Variants in SH3TC1 observed in about 807,000 individuals in gnomAD.
SH3TC1 encodes the protein SH3 domain and tetratricopeptide repeat-containing protein 1.
In SH3TC1, 135 loss-of-function variants were observed where a neutral mutation model predicts 117.3. That is an observed-to-expected ratio of 1.15 (90% CI 1.00 to 1.33). SH3TC1 has a LOEUF of 1.33. Among genes scored for constraint, SH3TC1 ranks in the 40% most tolerant of loss-of-function variants. The pLI, the probability that SH3TC1 is intolerant of heterozygous loss-of-function variation, is 0.00. For missense variants in SH3TC1, 2,092 were observed against 1,794.3 expected, an observed-to-expected ratio of 1.17 and a Z score of -3.00; for synonymous variants, 898 against 816.9, an observed-to-expected ratio of 1.10 and a Z score of -1.69.
At position 8,227,455 on chromosome 4, in the gene SH3TC1, G is replaced by A; in HGVS notation, c.1761G>A (p.Leu587=). The part of the protein sequence containing the change: ...SQARVYFEEA[L]GALEGSFGDL... ...CCCGGGTGTACTTTGAGGAAGCGCT[G>A]GGGGCCCTGGAGGGCAGCTTCGGGG... Residue 587 remains leucine (L), a synonymous_variant, in exon 12 of 18, where the codon CTG becomes CTA. Transcript: ENST00000245105. 1.3e-6 allele frequency: 2 copies of A among 1,563,502 alleles called. No homozygotes were observed. The highest frequency in any genetic ancestry group is 2.2e-5 in the East Asian group (1 of 44,574).
At chr4:8,238,597 C>T (rs1182444077) in intron 17 of SH3TC1, among the ~76,000 whole-genome samples, 2 of 152,176 alleles carry the variant, frequency 1.3e-5, no homozygotes, top group Admixed American at 6.5e-5. Flanking sequence ...AGGCCTGGGG[C>T]TGCCAGGGAG....
At position 8,222,892 on chromosome 4, in the gene SH3TC1, G is replaced by C; in HGVS notation, c.1165G>C (p.Gly389Arg). 1 of 1,613,766 alleles carries C rather than the reference G, an allele frequency of 6.2e-7. No homozygotes were observed. Among genetic ancestry groups the C allele is most frequent in the African/African-American group, 1.3e-5 (1 of 75,056 alleles). ...GGAAGAAAAGTCATTCTTCAGCGAGGGCTGCTTTTCTGAGGAGGATGCCAG... is the reference window on the plus strand; with the variant it reads ...GGAAGAAAAGTCATTCTTCAGCGAGCGCTGCTTTTCTGAGGAGGATGCCAG... ...NEEEKSFFSE[G>R]CFSEEDARQL... The change falls in exon 10 of 18, where the codon GGC becomes CGC. Residue 389 changes from glycine to arginine, a missense_variant. Transcript: ENST00000245105.
At chr4:8,231,936 T>C in intron 12 of SH3TC1, 40 bp from the exon 13 acceptor site, 1 of 1,602,296 alleles carries the variant, frequency 6.2e-7, no homozygotes, top group Non-Finnish European at 8.5e-7. Context: ...CTCGCTTCAA[T>C]GCTGGGAGGC....
At chr4:8,224,077 G>C (rs1720222680) in intron 10 of SH3TC1, among the ~76,000 whole-genome samples, 1 of 151,962 alleles carries the variant, frequency 6.6e-6, no homozygotes, top group Admixed American at 6.5e-5. Context: ...GCAGACATGT[G>C]TGCACATGTG....
Position 8,205,585 on chromosome 4 carries a change from G to A in SH3TC1, c.172+219G>A, listed in dbSNP as rs756939184. ...CTTGAGAGGCCAGGGCCCAGCTCGT[G>A]TTTTTCCAGGGACGCGTCAGTGATA... On this transcript the variant is annotated intron_variant, in intron 2 of 17. Transcript: ENST00000245105. The surrounding 1 kb of genome is among the most constrained non-coding windows in gnomAD (Gnocchi z 5.4). The A allele has an allele frequency of 1.0e-4, 79 of 790,038 alleles. 1 individual carries two copies. The Admixed American group carries it at 1.3e-3, about 13-fold the overall frequency. The allele number at this position is 790,038 out of a possible 1,614,324, so 48.9% of individuals were successfully genotyped here.
chr4:8,226,908 G>C, intron 11 of SH3TC1, 72 bp from the exon 12 acceptor site: 4 of 1,184,060 alleles, frequency 3.4e-6, no homozygotes, highest in Non-Finnish European at 4.6e-6. Context: ...GGGGATGAGG[G>C]GACCCTGCCC....
Position 8,205,164 on chromosome 4 carries a change from C to G in SH3TC1, c.-28-3C>G. On this transcript the variant is annotated splice_region_variant and splice_polypyrimidine_tract_variant and intron_variant, in intron 1 of 17. Coordinates refer to ENST00000245105, the MANE Select transcript of SH3TC1 (RefSeq NM_018986.5). The surrounding 1 kb of genome is among the most constrained non-coding windows in gnomAD (Gnocchi z 5.4). Reference sequence around the variant, plus strand: ...CTCCTGACCACACCCCCTCTGTCCACAGGGCCAGGCATGTGAGGTCTCTGC... The same window carrying G: ...CTCCTGACCACACCCCCTCTGTCCAGAGGGCCAGGCATGTGAGGTCTCTGC... The G allele has an allele frequency of 6.8e-7, 1 of 1,474,476 alleles. No individual in the cohort carries two copies. The highest frequency in any genetic ancestry group is 9.0e-7 in the Non-Finnish European group (1 of 1,112,238). The allele number at this position is 1,474,476 out of a possible 1,614,324, so 91.3% of individuals were successfully genotyped here.
rs745952465 is a variant in SH3TC1, at chr4:8,225,179, A to T, written c.1248A>T (p.Ser416=). 3 of 1,613,810 alleles carry T rather than the reference A, an allele frequency of 1.9e-6. No homozygotes were observed. Among genetic ancestry groups the T allele is most frequent in the East Asian group, 4.5e-5 (2 of 44,874 alleles). ...TTCTCTTTTCTCCCTTGCCAGACTCAGTAGAGGAAGCTGAGACCGAGCAGC... is the reference window on the plus strand; with the variant it reads ...TTCTCTTTTCTCCCTTGCCAGACTCTGTAGAGGAAGCTGAGACCGAGCAGC... ...TDVCSVYSLD[S]VEEAETEQPQ... The change falls in exon 11 of 18, where the codon TCA becomes TCT. Residue 416 remains serine, a synonymous_variant. Transcript: ENST00000245105. This position sits in a 1 kb window ranked among gnomAD's most constrained non-coding sequence, Gnocchi z 5.5.
At chr4:8,237,831 C>A (rs1001320459) in intron 17 of SH3TC1, among the ~76,000 whole-genome samples, 161 bp downstream of exon 17, 1 of 152,154 alleles carries the variant, frequency 6.6e-6, no homozygotes, top group Non-Finnish European at 1.5e-5. Flanking sequence ...TTAGCAGACA[C>A]AACCCAGCTC....
chr4:8,227,178 A>G lies in SH3TC1; in HGVS notation c.1484A>G (p.Asp495Gly), dbSNP rs1720538195. The change falls in exon 12 of 18, where the codon GAC becomes GGC. Residue 495 changes from aspartate (D) to glycine (G), a missense_variant. Asp to Gly is a moderately conservative substitution (Grantham distance 94, BLOSUM62 -1). Transcript: ENST00000245105. ...FCLEAEDDWE[D>G]PEALSSLLLF... ...TTGGAAGCCGAGGACGACTGGGAGG[A>G]CCCAGAGGCCCTGAGCTCACTGCTG... The G allele has an allele frequency of 6.3e-7, 1 of 1,596,612 alleles. No individual in the cohort carries two copies. The highest frequency in any genetic ancestry group is 1.7e-5 in the Admixed American group (1 of 57,580).
At chr4:8,199,675 C>T (rs1441803266) in intron 1 of SH3TC1, among the ~76,000 whole-genome samples, 3 of 152,162 alleles carry the variant, frequency 2.0e-5, no homozygotes, top group African/African-American at 7.2e-5. Flanking sequence ...GCTTCTGGGA[C>T]CTGGCCTGAC....
chr4:8,223,188 A>C (rs1720115182), intron 10 of SH3TC1, among the ~76,000 whole-genome samples: 1 of 152,230 alleles, frequency 6.6e-6, no homozygotes, highest in Non-Finnish European at 1.5e-5. Context: ...GTGGCCCCTG[A>C]GACTCCTGTG....
intron 1 of SH3TC1, among the ~76,000 whole-genome samples, chr4:8,187,306 T>G (rs536178386): frequency 6.7e-6 from 1 of 149,748 alleles, no homozygotes; most frequent in African/African-American, 2.6e-5. Flanking sequence ...TTGATGCTGT[T>G]GACCCTGGTC....
rs966354720 is a variant in SH3TC1, at chr4:8,237,651, T to C, written c.3734T>C (p.Ile1245Thr). Residue 1245 changes from isoleucine to threonine, a missense_variant, in exon 17 of 18, where the codon ATC (isoleucine) becomes ACC (threonine). Physicochemically the swap from Ile to Thr is moderately conservative, Grantham distance 89 (BLOSUM62 -1). Coordinates refer to ENST00000245105, the MANE Select transcript of SH3TC1 (RefSeq NM_018986.5). ...AAGGTGTACCTGGTGCTCGGTGACA[T>C]CATCTTCTACGACCTGAAGGTGGGT... ...YVKVYLVLGD[I>T]IFYDLKDPFD... The C allele has an allele frequency of 3.7e-6, 6 of 1,605,112 alleles. No individual in the cohort carries two copies. The highest frequency in any genetic ancestry group is 3.4e-6 in the Non-Finnish European group (4 of 1,175,336).
Position 8,192,213 on chromosome 4 carries a change from C to T in SH3TC1, c.-57+10003C>T, listed in dbSNP as rs566626362. On this transcript the variant is annotated intron_variant, in intron 1 of 16. Coordinates refer to the SH3TC1 transcript ENST00000508641. The surrounding 1 kb of genome is among the most constrained non-coding windows in gnomAD (Gnocchi z 4.1). ...TTCACCATGTGGGCCAGGCTGGTCCCGAACTCCTGACCTCAAGTGATCTGC... is the reference window on the plus strand; with the variant it reads ...TTCACCATGTGGGCCAGGCTGGTCCTGAACTCCTGACCTCAAGTGATCTGC... Among the ~76,000 whole-genome samples the T allele has an allele frequency of 3.2e-4, 48 of 151,906 alleles. No individual in the cohort carries two copies. The highest frequency in any genetic ancestry group is 1.0e-3 in the South Asian group (5 of 4,808).
chr4:8,184,766 C>T (rs1199685477), intron 1 of SH3TC1, among the ~76,000 whole-genome samples: 1 of 152,176 alleles, frequency 6.6e-6, no homozygotes, highest in African/African-American at 2.4e-5. Context: ...CTTTCTTCCT[C>T]TCACTTCAGT....
Position 8,209,849 on chromosome 4 carries a change from C to T in SH3TC1, c.247+27C>T. 1 of 1,607,564 alleles carries T rather than the reference C, an allele frequency of 6.2e-7. No individual in the cohort carries two copies. The highest frequency in any genetic ancestry group is 1.3e-5 in the African/African-American group (1 of 74,950). On this transcript the variant is annotated intron_variant, in intron 3 of 17. Coordinates refer to ENST00000245105, the MANE Select transcript of SH3TC1 (RefSeq NM_018986.5). This position sits in a 1 kb window ranked among gnomAD's most constrained non-coding sequence, Gnocchi z 5.9. ...TAAACATCCTGGGCCCTACACAGGG[C>T]TTCAGGTTCAAATCCGGGCTGTGCC... is the stretch of plus-strand genomic sequence containing the variant.
chr4:8,218,814 G>T lies in SH3TC1; in HGVS notation c.916+467G>T, dbSNP rs73079751. On this transcript the variant is annotated intron_variant, in intron 8 of 17. Coordinates refer to ENST00000245105, the MANE Select transcript of SH3TC1 (RefSeq NM_018986.5). Reference sequence around the variant, plus strand: ...CGTGACCGCGTCCTCTTTATGAAAAGCTGGCACTGCCAGCAGCCCTTCTCC... The same window carrying T: ...CGTGACCGCGTCCTCTTTATGAAAATCTGGCACTGCCAGCAGCCCTTCTCC... 3.7e-3 allele frequency among the ~76,000 whole-genome samples: 564 copies of T among 152,376 alleles called. 5 individuals carry two copies. The highest frequency in any genetic ancestry group is 0.013 in the African/African-American group (535 of 41,584).
In SH3TC1 at chr4:8,228,605, TG is replaced by T. The variant is rs749528287; in HGVS notation, c.2914del (p.Ala972ProfsTer172). Reference sequence around the variant, plus strand: ...CCAGCAGGGCAAGGGCTACTACGAGTGGGCCCTTCTGGTCGCCGTGGAGATG... The same window carrying T: ...CCAGCAGGGCAAGGGCTACTACGAGTGGCCCTTCTGGTCGCCGTGGAGATG... ...PAQQGKGYYE[W>X]ALLVAVEMGH... On this transcript the variant is annotated frameshift_variant, in exon 12 of 18. Transcript: ENST00000245105. LOFTEE classifies it high-confidence loss of function. 1 of 1,541,540 alleles carries T rather than the reference TG, an allele frequency of 6.5e-7. No homozygotes were observed. The highest frequency in any genetic ancestry group is 2.0e-5 in the Admixed American group (1 of 50,382).
Sources: gnomAD v4.1 joint callset for allele counts (sites outside exome capture counted in the v4.1 genomes callset) on GRCh38, gnomAD v4.1.1 for gene constraint, Gnocchi (gnomAD v3.1) non-coding constraint, MANE v1.5 for transcripts, NCBI Gene and HGNC (gene_info 2026-07-23, HGNC 2026-07-21) for gene names.